The following CDH12 variants were observed in gnomAD, a reference collection of about 807,000 sequenced individuals.
CDH12 encodes cadherin 12.
Under a neutral mutation model 74.1 loss-of-function variants are expected in CDH12, and 41 were observed. That is an observed-to-expected ratio of 0.55 (90% CI 0.43 to 0.72). The LOEUF is 0.72. CDH12 is among the 30% of genes least tolerant of loss of function. CDH12 has a pLI of 0.00. For synonymous variants in CDH12, 399 were observed against 355.0 expected (o/e 1.12, Z -1.39); for missense variants, 945 against 977.2 (o/e 0.97, Z 0.44).
chr5:22,576,664 G>A (rs1739803169), intron 1 of CDH12, among the ~76,000 whole-genome samples: 1 of 152,128 alleles, frequency 6.6e-6, no homozygotes, highest in Admixed American at 6.6e-5. Context: ...TTGCAGGTAT[G>A]CTACTGGGGA....
intron 5 of CDH12, among the ~76,000 whole-genome samples, chr5:22,066,031 C>T (rs1453269302): frequency 6.6e-6 from 1 of 152,084 alleles, no homozygotes; most frequent in Non-Finnish European, 1.5e-5. Context: ...AGTCCTTGCC[C>T]CTCAATCAGT....
At chr5:22,076,066 C>A (rs1203946501) in intron 5 of CDH12, among the ~76,000 whole-genome samples, 1 of 151,998 alleles carries the variant, frequency 6.6e-6, no homozygotes, top group Non-Finnish European at 1.5e-5. Context: ...GGAAAAGAAA[C>A]CTTGGCATCC....
intron 7 of CDH12, among the ~76,000 whole-genome samples, chr5:21,844,288 G>A (rs140176394): frequency 2.5e-3 from 377 of 151,862 alleles, no homozygotes; most frequent in Non-Finnish European, 3.9e-3. Context: ...AAAATAAATT[G>A]CAATGTTTAA....
intron 1 of CDH12, among the ~76,000 whole-genome samples, chr5:22,742,076 G>A (rs905920130): frequency 6.6e-6 from 1 of 151,964 alleles, no homozygotes; most frequent in African/African-American, 2.4e-5. Context: ...AGCTACTCAG[G>A]GAGGCTGAGG....
intron 3 of CDH12, among the ~76,000 whole-genome samples, chr5:22,345,466 T>G (rs1740071504): frequency 6.6e-6 from 1 of 152,182 alleles, no homozygotes. Flanking sequence ...ACACCAGATT[T>G]GTGTCAGCCA....
intron 3 of CDH12, among the ~76,000 whole-genome samples, chr5:22,310,462 C>CA (rs33959662): frequency 0.018 from 2,436 of 138,744 alleles, 58 homozygotes; most frequent in African/African-American, 0.057. Context: ...GACTCTGTCT[C>CA]AAAAAAAAAA....
chr5:22,287,722 CAAAAAAA>C (rs35636015), intron 3 of CDH12, among the ~76,000 whole-genome samples: 3 of 126,868 alleles, frequency 2.4e-5, no homozygotes, highest in Admixed American at 1.6e-4. Flanking sequence ...GACTCCGTCT[CAAAAAAA>C]AAAAAAAAAA....
intron 5 of CDH12, among the ~76,000 whole-genome samples, chr5:22,059,265 A>G (rs1740989147): frequency 6.7e-6 from 1 of 150,218 alleles, no homozygotes; most frequent in Non-Finnish European, 1.5e-5. Context: ...CTATCTATCT[A>G]TCTATCTATC....
chr5:22,810,378 G>A (rs1310639452), intron 1 of CDH12, among the ~76,000 whole-genome samples: 1 of 152,140 alleles, frequency 6.6e-6, no homozygotes, highest in African/African-American at 2.4e-5. Context: ...TGTTGGGTTT[G>A]AATTGCCAGT....
At chr5:22,287,133 A>G (rs1737174005) in intron 3 of CDH12, among the ~76,000 whole-genome samples, 1 of 152,194 alleles carries the variant, frequency 6.6e-6, no homozygotes, top group Non-Finnish European at 1.5e-5. Context: ...AAGAGAATAG[A>G]GAAGTAGAGG....
intron 4 of CDH12, among the ~76,000 whole-genome samples, chr5:22,091,985 C>A (rs1289739336): frequency 2.0e-5 from 3 of 151,238 alleles, no homozygotes; most frequent in Non-Finnish European, 4.4e-5. Flanking sequence ...TGACCCAGGC[C>A]CATTGTATCT....
rs539394503 is a variant in CDH12, at chr5:21,752,112, G to T, written c.2010C>A (p.Thr670=). ...YDDEGGGEED[T]QAFDIGALRN... Reference sequence around the variant, plus strand: ...TCAGAGCCCCGATGTCGAAAGCCTGGGTATCTTCCTCCCCACCTCCTTCAT... The same window carrying T: ...TCAGAGCCCCGATGTCGAAAGCCTGTGTATCTTCCTCCCCACCTCCTTCAT... Residue 670 remains threonine, a synonymous_variant, in exon 15 of 15, where the codon ACC becomes ACA. Transcript: ENST00000382254. 1.4e-4 allele frequency: 221 copies of T among 1,614,002 alleles called. 2 individuals carry two copies. The South Asian group carries it at 2.4e-3, about 17-fold the overall frequency.
intron 3 of CDH12, among the ~76,000 whole-genome samples, chr5:22,371,120 T>C (rs1403738330): frequency 6.6e-6 from 1 of 152,086 alleles, no homozygotes; most frequent in Non-Finnish European, 1.5e-5. Flanking sequence ...AGAAAAATAT[T>C]TGCAGGTTGA....
At chr5:22,496,017 T>C (rs531576552) in intron 2 of CDH12, among the ~76,000 whole-genome samples, 283 of 152,314 alleles carry the variant, frequency 1.9e-3, no homozygotes, top group Non-Finnish European at 3.1e-3. Flanking sequence ...AACTACATAA[T>C]CCTTATAAAC....
intron 4 of CDH12, among the ~76,000 whole-genome samples, chr5:22,202,291 A>G (rs1750972196): frequency 6.6e-6 from 1 of 152,020 alleles, no homozygotes; most frequent in African/African-American, 2.4e-5. Context: ...TCATCTTCAC[A>G]GAGCTTACAG....
intron 13 of CDH12, among the ~76,000 whole-genome samples, chr5:21,759,934 G>T (rs188702048): frequency 1.0e-3 from 152 of 152,194 alleles, no homozygotes; most frequent in African/African-American, 3.6e-3. Flanking sequence ...AGAACATGCA[G>T]TATTTGATCT....
At chr5:22,166,546 A>G (rs1306703550) in intron 4 of CDH12, among the ~76,000 whole-genome samples, 2 of 152,238 alleles carry the variant, frequency 1.3e-5, no homozygotes, top group African/African-American at 2.4e-5. Flanking sequence ...AAAGATTTTA[A>G]AAGTAGGTCA....
At chr5:22,730,897 C>G (rs573806458) in intron 1 of CDH12, among the ~76,000 whole-genome samples, 1 of 151,758 alleles carries the variant, frequency 6.6e-6, no homozygotes, top group Non-Finnish European at 1.5e-5. Flanking sequence ...GAAGAAATAG[C>G]AACCATTAGA....
chr5:22,714,023 C>T (rs544974130), intron 1 of CDH12, among the ~76,000 whole-genome samples: 1 of 152,248 alleles, frequency 6.6e-6, no homozygotes, highest in East Asian at 1.9e-4. Flanking sequence ...TTGTTTCAGA[C>T]ATAAAATTCT....
Sources: gnomAD v4.1 joint callset for allele counts (sites outside exome capture counted in the v4.1 genomes callset) on GRCh38, gnomAD v4.1.1 for gene constraint, MANE v1.5 for transcripts, NCBI Gene and HGNC (gene_info 2026-07-23, HGNC 2026-07-21) for gene names.